Variants in WDR86 observed in about 807,000 individuals in gnomAD.
WDR86 encodes WD repeat-containing protein 86.
A neutral mutation model predicts 36.5 loss-of-function variants in WDR86; 30 were observed. The ratio of observed to expected loss-of-function variants is 0.82; its 90% CI spans 0.61 to 1.11. The LOEUF is 1.11. Ranked by LOEUF, WDR86 falls within the 50% of genes most tolerant of loss-of-function variation. The pLI is 0.00. For missense variants in WDR86, 545 were observed against 561.2 expected, an observed-to-expected ratio of 0.97 and a Z score of 0.29; for synonymous variants, 255 against 252.9, an observed-to-expected ratio of 1.01 and a Z score of -0.08.
chr7:151,402,070 A>AATATATATATATATATATATAAAT (rs1800371476), intron 1 of WDR86, among the ~76,000 whole-genome samples: 1 of 50,558 alleles, frequency 2.0e-5, no homozygotes, highest in African/African-American at 1.2e-4. Flanking sequence ...AAAAAAAAAA[A>AATATATATATATATATATATAAAT]ATATATATAT....
intron 2 of WDR86, among the ~76,000 whole-genome samples, chr7:151,399,305 G>A (rs1016320145): frequency 6.6e-6 from 1 of 152,138 alleles, no homozygotes; most frequent in African/African-American, 2.4e-5. Context: ...CCACTGACTG[G>A]GGGTTCCTGT....
chr7:151,402,385 C>G (rs1800407682), intron 1 of WDR86, among the ~76,000 whole-genome samples: 2 of 152,116 alleles, frequency 1.3e-5, no homozygotes, highest in Admixed American at 1.3e-4. Flanking sequence ...ACAGCAGCCC[C>G]AGGACACTAA....
intron 3 of WDR86, among the ~76,000 whole-genome samples, chr7:151,385,590 A>G (rs1798914434): frequency 6.6e-6 from 1 of 152,154 alleles, no homozygotes; most frequent in African/African-American, 2.4e-5. Flanking sequence ...CTGGCTGAGG[A>G]GAGGGCTTCC....
rs1487039700 is a variant in WDR86 at position 151,405,705 on chromosome 7, C to T, written c.163+3722G>A. Among the ~76,000 whole-genome samples, 2 of 152,196 alleles carry T rather than the reference C, an allele frequency of 1.3e-5. No individual in the cohort carries two copies. The highest frequency in any genetic ancestry group is 4.8e-5 in the African/African-American group (2 of 41,440). ...CAAGCTGTGTGAGGCTGCTGTGGCT[C>T]TTGTCACCAGCGTGCCGCAGGCCTC... On this transcript the variant is annotated intron_variant, in intron 1 of 5. Transcript: ENST00000334493. This position sits in a 1 kb window ranked among gnomAD's most constrained non-coding sequence, Gnocchi z 4.7.
intron 2 of WDR86, among the ~76,000 whole-genome samples, chr7:151,399,794 C>T (rs1444801045): frequency 2.0e-5 from 3 of 152,250 alleles, no homozygotes; most frequent in Admixed American, 1.3e-4. Context: ...TCCCTACGAG[C>T]TGTAGGCTCT....
chr7:151,379,227 G>A (rs1280001338), downstream of WDR86, among the ~76,000 whole-genome samples: 3 of 152,194 alleles, frequency 2.0e-5, no homozygotes, highest in Non-Finnish European at 2.9e-5. Context: ...GGGGGCGGAT[G>A]GTATGATTGC....
downstream of WDR86, chr7:151,374,417 C>T: frequency 2.4e-6 from 2 of 820,638 alleles, no homozygotes; most frequent in Admixed American, 4.2e-5. Context: ...TGCGTGAGGC[C>T]ACGTGAGGCC....
downstream of WDR86, chr7:151,374,428 C>G (rs1798112727): frequency 1.3e-6 from 1 of 762,708 alleles, no homozygotes; most frequent in Non-Finnish European, 2.2e-6. Flanking sequence ...ACGTGAGGCC[C>G]CATGCTCAGT....
In WDR86 at chr7:151,381,515, G is replaced by A; in HGVS notation, c.*67C>T. 2 of 1,439,314 alleles carry A rather than the reference G, an allele frequency of 1.4e-6. No homozygotes were observed. Among genetic ancestry groups the A allele is most frequent in the Non-Finnish European group, 1.8e-6 (2 of 1,106,750 alleles). 89.2% of individuals were successfully genotyped at this position (1,439,314 alleles called of 1,614,324 possible). The stretch of plus-strand genomic sequence containing the variant: ...CGGCCATCGGGCGCCACCACCGCGG[G>A]TAGCAGGGCGGGGCGCTCTGGGAGC... On this transcript the variant is annotated 3_prime_UTR_variant, in exon 6 of 6. Coordinates refer to ENST00000334493, the MANE Select transcript of WDR86 (RefSeq NM_198285.3). The surrounding 1 kb of genome is among the most constrained non-coding windows in gnomAD (Gnocchi z 4.8).
At chr7:151,371,694 G>A (rs1008990682), downstream of WDR86, among the ~76,000 whole-genome samples, 1 of 152,198 alleles carries the variant, frequency 6.6e-6, no homozygotes, top group Non-Finnish European at 1.5e-5. Flanking sequence ...TGCCCTCGGA[G>A]TTCCAACGTT....
Position 151,409,996 on chromosome 7 carries a change from G to T in WDR86, c.-407C>A. 2 of 1,001,958 alleles carry T rather than the reference G, an allele frequency of 2.0e-6. No individual in the cohort carries two copies. The highest frequency in any genetic ancestry group is 2.4e-6 in the Non-Finnish European group (2 of 841,364). 62.1% of individuals were successfully genotyped at this position (1,001,958 alleles called of 1,614,324 possible). A position where few individuals can be genotyped will look rare whatever the true frequency, so the allele number is the denominator to read the frequency against. ...GGCGGGGAGAGGAACACGGGAAGCC[G>T]AGCGCCCCGCGCCCTCCCCGGCCGA... On this transcript the variant is annotated 5_prime_UTR_variant, in exon 1 of 6. Coordinates refer to ENST00000334493, the MANE Select transcript of WDR86 (RefSeq NM_198285.3). This position sits in a 1 kb window ranked among gnomAD's most constrained non-coding sequence, Gnocchi z 5.2.
rs1800383861 is a variant in WDR86 at position 151,402,089 on chromosome 7, A to ATATC, written c.164-1852_164-1849dup. 8.8e-5 allele frequency among the ~76,000 whole-genome samples: 11 copies of ATATC among 124,326 alleles called. No homozygotes were observed. The South Asian group carries it at 2.0e-3, about 23-fold the overall frequency. The allele number at this position is 124,326 out of a possible 152,430, so 81.6% of individuals were successfully genotyped here. On this transcript the variant is annotated intron_variant, in intron 1 of 5. Coordinates refer to ENST00000334493, the MANE Select transcript of WDR86 (RefSeq NM_198285.3). ...AAAAAAAATATATATATATATATAT[A>ATATC]TATCTCCACAAATGTCCTTACAAGA...
chr7:151,404,083 G>A (rs1800535585), intron 1 of WDR86, among the ~76,000 whole-genome samples: 2 of 152,242 alleles, frequency 1.3e-5, no homozygotes, highest in Non-Finnish European at 2.9e-5. Flanking sequence ...GAAGCCTGAA[G>A]CCAGGGATGC....
chr7:151,369,560 C>T, the WDR86 span, among the ~76,000 whole-genome samples: 10 of 152,254 alleles, frequency 6.6e-5, no homozygotes, highest in Non-Finnish European at 1.3e-4. Context: ...GGTTAAAAAA[C>T]TATAATCATT....
intron 3 of WDR86, among the ~76,000 whole-genome samples, chr7:151,386,002 G>T (rs1585002127): frequency 6.6e-6 from 1 of 152,186 alleles, no homozygotes; most frequent in South Asian, 2.1e-4. Context: ...GGGCAGGCGG[G>T]CTCCACAGCT....
At chr7:151,407,168 T>C (rs978118725) in intron 1 of WDR86, among the ~76,000 whole-genome samples, 4 of 152,246 alleles carry the variant, frequency 2.6e-5, no homozygotes, top group African/African-American at 9.6e-5. Context: ...TTCATTCCAG[T>C]GTCCTGCTTG....
At chr7:151,394,285 T>C (rs1420078077) in intron 3 of WDR86, among the ~76,000 whole-genome samples, 1 of 152,184 alleles carries the variant, frequency 6.6e-6, no homozygotes, top group Non-Finnish European at 1.5e-5. Context: ...TCCACGCGAA[T>C]GTGAGCCCTT....
At position 151,385,296 on chromosome 7, in the gene WDR86, G is replaced by A. The variant is rs537784173; in HGVS notation, c.727-73C>T. 2.5e-6 allele frequency: 4 copies of A among 1,590,536 alleles called. No individual in the cohort carries two copies. The Admixed American group carries it at 6.8e-5, about 27-fold the overall frequency. On this transcript the variant is annotated intron_variant, in intron 3 of 5. Coordinates refer to ENST00000334493, the MANE Select transcript of WDR86 (RefSeq NM_198285.3). ...CCCCCAGACCTCTCCCTCTATAAGGGGGGAAGGGGCATGTGCAGGTCTCAG... is the reference window on the plus strand; with the variant it reads ...CCCCCAGACCTCTCCCTCTATAAGGAGGGAAGGGGCATGTGCAGGTCTCAG...
At chr7:151,377,213 A>AAAG, downstream of WDR86, 2 of 1,536,494 alleles carry the variant, frequency 1.3e-6, no homozygotes, top group Non-Finnish European at 1.8e-6. Flanking sequence ...AGTCAGCAAC[A>AAAG]AAGAAAAACT....
Sources: allele counts gnomAD v4.1 joint callset (sites outside exome capture counted in the v4.1 genomes callset), GRCh38; gene constraint gnomAD v4.1.1; non-coding constraint Gnocchi (gnomAD v3.1); transcripts MANE v1.5; gene names NCBI Gene and HGNC (gene_info 2026-07-23, HGNC 2026-07-21).